The following MACROD2 variants were observed in gnomAD, a reference collection of about 807,000 sequenced individuals.
MACROD2 encodes ADP-ribose glycohydrolase MACROD2.
MACROD2 carries 36 observed loss-of-function variants against 70.4 expected under a neutral mutation model. That is an observed-to-expected ratio of 0.51 (90% CI 0.39 to 0.68). MACROD2 has a LOEUF of 0.68. Ranked by LOEUF, MACROD2 falls within the 30% of genes least tolerant of loss-of-function variation. The pLI is 0.00. For synonymous variants in MACROD2, 172 were observed against 178.8 expected (o/e 0.96, Z 0.30); for missense variants, 496 against 538.4 (o/e 0.92, Z 0.78).
intron 6 of MACROD2, among the ~76,000 whole-genome samples, chr20:15,417,593 T>G: frequency 1.1e-5 from 1 of 91,422 alleles, no homozygotes; most frequent in Non-Finnish European, 2.0e-5. Context: ...AGCGAAACCC[T>G]GTCTCAAAAA....
chr20:14,708,779 A>T (rs1342070701), intron 5 of MACROD2, among the ~76,000 whole-genome samples: 1 of 151,914 alleles, frequency 6.6e-6, no homozygotes, highest in African/African-American at 2.4e-5. Context: ...CACCATGCCC[A>T]GCTAATTTTT....
At chr20:15,980,968 G>T (rs1451822075) in intron 13 of MACROD2, among the ~76,000 whole-genome samples, 1 of 152,190 alleles carries the variant, frequency 6.6e-6, no homozygotes, top group Non-Finnish European at 1.5e-5. Context: ...TAAGTGGCAG[G>T]CCTATAGTAT....
At chr20:14,107,453 G>C (rs1391078050) in intron 3 of MACROD2, among the ~76,000 whole-genome samples, 1 of 152,152 alleles carries the variant, frequency 6.6e-6, no homozygotes, top group Non-Finnish European at 1.5e-5. Flanking sequence ...ATGAAGAGGA[G>C]ATAGAGAAAG....
chr20:14,286,645 A>G lies in MACROD2; in HGVS notation c.271+200917A>G, dbSNP rs570211424. Among the ~76,000 whole-genome samples the G allele has an allele frequency of 8.5e-5, 13 of 152,226 alleles. 1 individual carries two copies. Among genetic ancestry groups the G allele is most frequent in the Middle Eastern group, 6.8e-3 (2 of 294 alleles). On this transcript the variant is annotated intron_variant, in intron 3 of 17. Transcript: ENST00000684519. ...TTTCTGCCTCACTCCATTATATATA[A>G]TGGCTTAGCTTTGAAATCTTTGCTT...
chr20:15,632,889 C>T (rs550999986), intron 8 of MACROD2, among the ~76,000 whole-genome samples: 2 of 151,428 alleles, frequency 1.3e-5, no homozygotes, highest in Non-Finnish European at 3.0e-5. Flanking sequence ...TTCCTCCCTT[C>T]CATCCTTCTT....
At chr20:15,005,394 G>T (rs185798242) in intron 5 of MACROD2, among the ~76,000 whole-genome samples, 1 of 152,290 alleles carries the variant, frequency 6.6e-6, no homozygotes, top group East Asian at 1.9e-4. Flanking sequence ...ACTTGTTCAA[G>T]TGGGAGTTCA....
At chr20:14,284,364 C>G (rs2082328454) in intron 3 of MACROD2, among the ~76,000 whole-genome samples, 1 of 152,162 alleles carries the variant, frequency 6.6e-6, no homozygotes, top group African/African-American at 2.4e-5. Flanking sequence ...TTTTTGTCTA[C>G]TCTAAGTATT....
intron 3 of MACROD2, among the ~76,000 whole-genome samples, chr20:14,404,613 AATAT>A (rs1327967847): frequency 6.6e-6 from 1 of 151,804 alleles, no homozygotes; most frequent in African/African-American, 2.4e-5. Flanking sequence ...AAAAAATAAT[AATAT>A]ATTGAAACCC....
intron 3 of MACROD2, among the ~76,000 whole-genome samples, chr20:14,193,365 T>C (rs2148740977): frequency 6.6e-6 from 1 of 152,314 alleles, no homozygotes; most frequent in South Asian, 2.1e-4. Context: ...TGAAATGGGA[T>C]GTGGATTTGG....
chr20:14,701,361 G>T (rs1242234849), intron 5 of MACROD2, among the ~76,000 whole-genome samples: 1 of 152,060 alleles, frequency 6.6e-6, no homozygotes, highest in African/African-American at 2.4e-5. Flanking sequence ...TGAAAGCCTT[G>T]CATGTTTTCC....
chr20:14,376,348 T>C (rs1039147573), intron 3 of MACROD2, among the ~76,000 whole-genome samples: 2 of 152,202 alleles, frequency 1.3e-5, no homozygotes, highest in African/African-American at 4.8e-5. Flanking sequence ...TTAGTAATAG[T>C]TTCCAGTCCT....
At chr20:14,608,971 G>A (rs73100656) in intron 4 of MACROD2, among the ~76,000 whole-genome samples, 27,839 of 152,084 alleles carry the variant, frequency 0.18, 3,329 homozygotes, top group Non-Finnish European at 0.26. Context: ...CAGTGAGGGG[G>A]CCAGTGTGTA....
At chr20:14,406,951 C>G (rs2083696795) in intron 3 of MACROD2, among the ~76,000 whole-genome samples, 1 of 152,084 alleles carries the variant, frequency 6.6e-6, no homozygotes, top group African/African-American at 2.4e-5. Context: ...TTGGAATGGG[C>G]TTTTAATATG....
intron 6 of MACROD2, among the ~76,000 whole-genome samples, chr20:15,353,075 A>G (rs2078246050): frequency 6.6e-6 from 1 of 152,132 alleles, no homozygotes. Flanking sequence ...ACAAAGCTGG[A>G]GGCATCACAC....
rs1439925324 is a variant in MACROD2 at position 14,355,941 on chromosome 20, T to C, written c.272-137538T>C. ...ACATTTGGTAGTGTGTCTTTCCCGA[T>C]AGAAAGAGAGGAATGTGACCCAGCA... On this transcript the variant is annotated intron_variant, in intron 3 of 17. Transcript: ENST00000684519. Among the ~76,000 whole-genome samples, 3 of 152,070 alleles carry C rather than the reference T, an allele frequency of 2.0e-5. No homozygotes were observed. The East Asian group carries it at 5.8e-4, about 29-fold the overall frequency.
intron 8 of MACROD2, among the ~76,000 whole-genome samples, chr20:15,733,890 T>C (rs1013977498): frequency 7.9e-5 from 12 of 152,214 alleles, no homozygotes; most frequent in African/African-American, 2.9e-4. Context: ...CCCTCACATA[T>C]GCCAGCCATT....
chr20:15,072,122 A>G (rs977616234), intron 5 of MACROD2, among the ~76,000 whole-genome samples: 1 of 152,172 alleles, frequency 6.6e-6, no homozygotes, highest in African/African-American at 2.4e-5. Flanking sequence ...ATGTCTACAT[A>G]CATGTTAAAT....
At chr20:15,650,707 C>A (rs538836843) in intron 8 of MACROD2, among the ~76,000 whole-genome samples, 2 of 152,138 alleles carry the variant, frequency 1.3e-5, no homozygotes, top group South Asian at 4.1e-4. Context: ...CTATCTGCAC[C>A]ACTGATGTTG....
intron 2 of MACROD2, among the ~76,000 whole-genome samples, chr20:14,065,739 C>T (rs893192651): frequency 2.0e-5 from 3 of 152,170 alleles, no homozygotes; most frequent in Non-Finnish European, 2.9e-5. Flanking sequence ...AGCTAGTAAG[C>T]GACAGAGTTG....
Sources: allele counts gnomAD v4.1 joint callset (sites outside exome capture counted in the v4.1 genomes callset), GRCh38; gene constraint gnomAD v4.1.1; transcripts MANE v1.5; gene names NCBI Gene and HGNC (gene_info 2026-07-23, HGNC 2026-07-21).